Variants in CLDND1 observed in about 807,000 individuals in gnomAD.
CLDND1 encodes claudin domain containing 1, also known as claudin domain-containing protein 1.
In CLDND1, 13 loss-of-function variants were observed where a neutral mutation model predicts 26.3. That is an observed-to-expected ratio of 0.49 (90% CI 0.32 to 0.78). The LOEUF (loss-of-function observed/expected upper bound fraction) is 0.78, where lower values mean the gene tolerates loss of function less well. CLDND1 is among the 30% of genes least tolerant of loss of function. CLDND1 has a pLI of 0.03. For missense variants in CLDND1, 289 were observed against 312.8 expected, an observed-to-expected ratio of 0.92 and a Z score of 0.57; for synonymous variants, 107 against 107.0, an observed-to-expected ratio of 1.00 and a Z score of 0.00.
intron 4 of CLDND1, 44 bp downstream of exon 4, chr3:98,517,008 G>A: frequency 1.2e-6 from 2 of 1,612,096 alleles, no homozygotes; most frequent in South Asian, 1.1e-5. Context: ...GGTCCCTAAA[G>A]AGACAGGAAG....
rs1706287291 is a variant in CLDND1 at position 98,519,077 on chromosome 3, A to C, written c.293-82T>G. ...TTCAGTAATTATTCTCTGAAGTAAA[A>C]CAGTAAAGGATGTTTCCAGAGGGGT... On this transcript the variant is annotated intron_variant, in intron 2 of 4. Transcript: ENST00000341181. The C allele has an allele frequency of 3.6e-6, 3 of 823,488 alleles. No homozygotes were observed. In the African/African-American group the frequency reaches 5.1e-5, roughly 14 times the overall value. 51.0% of individuals were successfully genotyped at this position (823,488 alleles called of 1,614,324 possible).
At position 98,515,964 on chromosome 3, in the gene CLDND1, G is replaced by A. The variant is rs950199966; in HGVS notation, c.*695C>T. On this transcript the variant is annotated 3_prime_UTR_variant, in exon 5 of 5. Coordinates refer to ENST00000341181, the MANE Select transcript of CLDND1 (RefSeq NM_001040181.2). ...AAATCCAAAACAATTTGGTGGTACT[G>A]AAAATCTTACGGAGAGTTAAAAATA... 6 of 1,213,402 alleles carry A rather than the reference G, an allele frequency of 4.9e-6. No homozygotes were observed. The highest frequency in any genetic ancestry group is 5.3e-6 in the Non-Finnish European group (5 of 952,096). The allele number at this position is 1,213,402 out of a possible 1,614,324, so 75.2% of individuals were successfully genotyped here.
intron 1 of CLDND1, 50 bp from the exon 2 acceptor site, chr3:98,521,492 AGAAAGAT>A: frequency 6.4e-7 from 1 of 1,565,620 alleles, no homozygotes; most frequent in Non-Finnish European, 8.7e-7. Context: ...CGGACAAATA[AGAAAGAT>A]TATTTTGAAT....
rs762285576 is a variant in CLDND1 at position 98,518,975 on chromosome 3, T to C, written c.313A>G (p.Lys105Glu). 1.9e-6 allele frequency: 3 copies of C among 1,609,452 alleles called. No individual in the cohort carries two copies. The highest frequency in any genetic ancestry group is 1.7e-5 in the Admixed American group (1 of 59,610). The stretch of plus-strand genomic sequence containing the variant: ...TCAGTTAGTGTGAAACTCACACATT[T>C]TGTGACCACATCAAATGACTCTGGA... ...ERTESFDVVT[K>E]CVSFTLTEQF... Residue 105 changes from lysine (K) to glutamate (E), a missense_variant, in exon 3 of 5, where the codon AAA (lysine) becomes GAA (glutamate). By Grantham distance (56) the Lys-to-Glu change is moderately conservative. Coordinates refer to ENST00000341181, the MANE Select transcript of CLDND1 (RefSeq NM_001040181.2).
intron 1 of CLDND1, 34 bp from the exon 2 acceptor site, chr3:98,521,476 A>ATTT: frequency 6.4e-7 from 1 of 1,551,692 alleles, no homozygotes; most frequent in Non-Finnish European, 8.8e-7. Flanking sequence ...GATAAGTTAG[A>ATTT]GTTTACGGAC....
rs186015823 is a variant in CLDND1, at chr3:98,515,790, C to G, written c.*869G>C. On this transcript the variant is annotated 3_prime_UTR_variant, in exon 5 of 5. Transcript: ENST00000341181. ...TTAGATCTTGTGGTAGGTTTCCCAGCTCTGGAGGGTCATTATGGTGAAACG... is the reference window on the plus strand; with the variant it reads ...TTAGATCTTGTGGTAGGTTTCCCAGGTCTGGAGGGTCATTATGGTGAAACG... 7.8e-7 allele frequency: 1 copy of G among 1,289,716 alleles called. No individual in the cohort carries two copies. Among genetic ancestry groups the G allele is most frequent in the East Asian group, 5.5e-5 (1 of 18,028 alleles). The allele number at this position is 1,289,716 out of a possible 1,614,324, so 79.9% of individuals were successfully genotyped here.
chr3:98,517,479 G>C, intron 3 of CLDND1: 1 of 298,386 alleles, frequency 3.4e-6, no homozygotes, highest in South Asian at 6.1e-5. Flanking sequence ...TAGAAAGTAG[G>C]TACAGTCAGC....
In CLDND1 at chr3:98,516,747, A is replaced by G; in HGVS notation, c.674T>C (p.Leu225Ser). 1.2e-6 allele frequency: 2 copies of G among 1,614,164 alleles called. No homozygotes were observed. The highest frequency in any genetic ancestry group is 1.7e-6 in the Non-Finnish European group (2 of 1,180,020). ...SFCLACVSAP[L>S]QFMASALFIW... ...GAAGAGAGCAGAAGCCATGAACTGT[A>G]AGGGAGCAGAGACACAAGCCAGGCA... Residue 225 changes from leucine to serine, a missense_variant, in exon 5 of 5, where the codon TTA becomes TCA. Coordinates refer to ENST00000341181, the MANE Select transcript of CLDND1 (RefSeq NM_001040181.2).
chr3:98,515,928 G>A lies in CLDND1; in HGVS notation c.*731C>T, dbSNP rs1357359088. 19 of 1,214,072 alleles carry A rather than the reference G, an allele frequency of 1.6e-5. No homozygotes were observed. Among genetic ancestry groups the A allele is most frequent in the Admixed American group, 5.9e-5 (2 of 33,918 alleles). The allele number at this position is 1,214,072 out of a possible 1,614,324, so 75.2% of individuals were successfully genotyped here. ...TTTTAATAACCCTGGTATGTGAAGA[G>A]GAAAGAAAAAAAATCCAAAACAATT... is the stretch of plus-strand genomic sequence containing the variant. On this transcript the variant is annotated 3_prime_UTR_variant, in exon 5 of 5. Transcript: ENST00000341181.
chr3:98,518,808 C>T, intron 3 of CLDND1, 77 bp downstream of exon 3: 1 of 888,938 alleles, frequency 1.1e-6, no homozygotes, highest in Non-Finnish European at 1.9e-6. Context: ...CATCTTATTC[C>T]AAAAACATAG....
At chr3:98,519,694 A>C (rs1405062177) in intron 2 of CLDND1, among the ~76,000 whole-genome samples, 1 of 152,154 alleles carries the variant, frequency 6.6e-6, no homozygotes, top group Non-Finnish European at 1.5e-5. Context: ...CTCCCAAAGT[A>C]GGTCTTTAAC....
At chr3:98,520,951 G>A in intron 2 of CLDND1, 182 bp downstream of exon 2, 1 of 555,350 alleles carries the variant, frequency 1.8e-6, no homozygotes, top group South Asian at 2.9e-5. Context: ...CAATATTGAT[G>A]AGTACCATGG....
At position 98,515,767 on chromosome 3, in the gene CLDND1, A is replaced by C. The variant is rs1229358189; in HGVS notation, c.*892T>G. ...GAGGTTAATGGACAGCCAGAACTTT[A>C]GATCTTGTGGTAGGTTTCCCAGCTC... On this transcript the variant is annotated 3_prime_UTR_variant, in exon 5 of 5. Coordinates refer to ENST00000341181, the MANE Select transcript of CLDND1 (RefSeq NM_001040181.2). The C allele has an allele frequency of 1.6e-6, 2 of 1,289,716 alleles. No homozygotes were observed. The highest frequency in any genetic ancestry group is 2.0e-6 in the Non-Finnish European group (2 of 988,872). The allele number at this position is 1,289,716 out of a possible 1,614,324, so 79.9% of individuals were successfully genotyped here. A position where few individuals can be genotyped will look rare whatever the true frequency, so the allele number is the denominator to read the frequency against.
intron 3 of CLDND1, 88 bp from the exon 4 acceptor site, chr3:98,517,277 A>C: frequency 2.8e-6 from 4 of 1,435,896 alleles, no homozygotes; most frequent in Non-Finnish European, 3.8e-6. Context: ...TTCTAATTAG[A>C]TCTTTTCTCA....
chr3:98,521,600 A>G, intron 1 of CLDND1, 158 bp from the exon 2 acceptor site: 1 of 1,543,650 alleles, frequency 6.5e-7, no homozygotes, highest in Non-Finnish European at 8.9e-7. Context: ...GTTTTTAATT[A>G]AGCTTAAAAC....
At chr3:98,522,506 A>T (rs1706466724) in intron 1 of CLDND1, 2 of 1,195,724 alleles carry the variant, frequency 1.7e-6, no homozygotes, top group Non-Finnish European at 2.1e-6. Context: ...TTGATTTTTT[A>T]AAAATCCCCC....
chr3:98,516,730 C>T lies in CLDND1; in HGVS notation c.691G>A (p.Ala231Thr), dbSNP rs746686826. 6.8e-6 allele frequency: 11 copies of T among 1,614,062 alleles called. No individual in the cohort carries two copies. Among genetic ancestry groups the T allele is most frequent in the Non-Finnish European group, 8.5e-6 (10 of 1,180,002 alleles). ...GTGTGAGCAGCCCAGATGAAGAGAGCAGAAGCCATGAACTGTAAGGGAGCA... is the reference window on the plus strand; with the variant it reads ...GTGTGAGCAGCCCAGATGAAGAGAGTAGAAGCCATGAACTGTAAGGGAGCA... ...VSAPLQFMAS[A>T]LFIWAAHTNR... Residue 231 changes from alanine to threonine, a missense_variant, in exon 5 of 5, where the codon GCT (alanine) becomes ACT (threonine). Coordinates refer to ENST00000341181, the MANE Select transcript of CLDND1 (RefSeq NM_001040181.2).
rs2107139093 is a variant in CLDND1, at chr3:98,516,137, A to G, written c.*522T>C. 9.5e-7 allele frequency: 1 copy of G among 1,052,406 alleles called. No individual in the cohort carries two copies. The highest frequency in any genetic ancestry group is 8.3e-5 in the East Asian group (1 of 12,000). 65.2% of individuals were successfully genotyped at this position (1,052,406 alleles called of 1,614,324 possible). A position where few individuals can be genotyped will look rare whatever the true frequency, so the allele number is the denominator to read the frequency against. The stretch of plus-strand genomic sequence containing the variant: ...TCACCTCAGATGAAGCTATGTGTCA[A>G]TGCTTAGGGAAAATGATCTTAGATA... On this transcript the variant is annotated 3_prime_UTR_variant, in exon 5 of 5. Transcript: ENST00000341181.
intron 2 of CLDND1, among the ~76,000 whole-genome samples, chr3:98,519,402 G>C (rs1299869925): frequency 6.6e-6 from 1 of 152,168 alleles, no homozygotes; most frequent in Non-Finnish European, 1.5e-5. Context: ...AGTAATTCTT[G>C]TACATTTACA....
Sources: allele counts gnomAD v4.1 joint callset (sites outside exome capture counted in the v4.1 genomes callset), GRCh38; gene constraint gnomAD v4.1.1; transcripts MANE v1.5; gene names NCBI Gene and HGNC (gene_info 2026-07-23, HGNC 2026-07-21).